COL5A1: variants seen among roughly 807,000 people sequenced by gnomAD.
COL5A1 encodes collagen type V alpha 1 chain, also known as collagen alpha-1(V) chain.
In COL5A1, 16 loss-of-function variants were observed where a neutral mutation model predicts 263.7. The ratio of observed to expected loss-of-function variants is 0.06; its 90% confidence interval spans 0.04 to 0.09. The LOEUF (loss-of-function observed/expected upper bound fraction) is 0.09, where lower values mean the gene tolerates loss of function less well. Ranked by LOEUF, COL5A1 falls within the 10% of genes least tolerant of loss-of-function variation. COL5A1 has a pLI of 1.00. For missense variants in COL5A1, 2,036 were observed against 2,540.5 expected (o/e 0.80, Z 4.27); for synonymous variants, 1,012 against 1,004.5 (o/e 1.01, Z -0.14).
At chr9:134,767,139 G>T (rs1836703070) in intron 23 of COL5A1, 86 bp downstream of exon 23, 6 of 1,518,038 alleles carry the variant, frequency 4.0e-6, no homozygotes, top group Non-Finnish European at 5.5e-6. Context: ...AGGAAGCGGG[G>T]AGCTCTGTCC....
intron 42 of COL5A1, among the ~76,000 whole-genome samples, chr9:134,807,697 A>C (rs1283113297): frequency 6.6e-6 from 1 of 152,208 alleles, no homozygotes; most frequent in African/African-American, 2.4e-5. Flanking sequence ...CATTGGAAAC[A>C]TCTGGGCCAT....
chr9:134,735,479 C>T (rs537854268), intron 9 of COL5A1, among the ~76,000 whole-genome samples: 35 of 141,530 alleles, frequency 2.5e-4, no homozygotes, highest in African/African-American at 8.3e-4. Flanking sequence ...TTGGGTGGGC[C>T]GGGGCGGGAG....
Position 134,785,031 on chromosome 9 carries a change from G to C in COL5A1, c.2527G>C (p.Glu843Gln), listed in dbSNP as rs1837405294. Reference sequence around the variant, plus strand: ...CGGTCCCAGGGGAGAAGATGGCCCTGAAGGCCCAAAGGGTCGCGGAGGTCC... The same window carrying C: ...CGGTCCCAGGGGAGAAGATGGCCCTCAAGGCCCAAAGGGTCGCGGAGGTCC... ...PPGPRGEDGP[E>Q]GPKGRGGPNG... The change falls in exon 30 of 66, where the codon GAA becomes CAA. Residue 843 changes from glutamate to glutamine, a missense_variant. This residue lies in a region of COL5A1 where 1,078 missense variants were observed against 1,521.4 expected (regional missense o/e 0.71). Coordinates refer to ENST00000371817, the MANE Select transcript of COL5A1 (RefSeq NM_000093.5). The C allele has an allele frequency of 6.2e-7, 1 of 1,613,344 alleles. No homozygotes were observed. The highest frequency in any genetic ancestry group is 8.5e-7 in the Non-Finnish European group (1 of 1,180,018).
At chr9:134,792,624 C>T (rs1837735359) in intron 32 of COL5A1, among the ~76,000 whole-genome samples, 2 of 152,152 alleles carry the variant, frequency 1.3e-5, no homozygotes. Flanking sequence ...CTCAGCCTCC[C>T]AAAGTGCTGG....
At chr9:134,792,878 CACACGTGTGTGTGCGCGCGT>C (rs1837763144) in intron 32 of COL5A1, among the ~76,000 whole-genome samples, 1 of 30,136 alleles carries the variant, frequency 3.3e-5, no homozygotes, top group African/African-American at 1.2e-4. Flanking sequence ...CGCGTTTGTG[CACACGTGTGTGTGCGCGCGT>C]GTGTGCACGC....
rs1298311702 is a variant in COL5A1 at position 134,732,144 on chromosome 9, A to T, written c.1389+17A>T. The T allele has an allele frequency of 6.2e-7, 1 of 1,612,936 alleles. No homozygotes were observed. The highest frequency in any genetic ancestry group is 1.3e-5 in the African/African-American group (1 of 74,916). ...ATCGAGCCGGTGAGGACATTTTCTC[A>T]TTCCCTCCCTGCGCCGGGGTGTCCG... is the stretch of plus-strand genomic sequence containing the variant. On this transcript the variant is annotated intron_variant, in intron 9 of 65. Transcript: ENST00000371817.
intron 29 of COL5A1, among the ~76,000 whole-genome samples, chr9:134,784,354 C>T (rs375287617): frequency 5.9e-5 from 9 of 152,222 alleles, no homozygotes; most frequent in Non-Finnish European, 2.9e-5. Flanking sequence ...CAAAGAGTGC[C>T]GGGAAGGGCA....
At chr9:134,830,485 G>A (rs1839567758) in intron 64 of COL5A1, 1 of 492,512 alleles carries the variant, frequency 2.0e-6, no homozygotes, top group East Asian at 3.6e-5. Flanking sequence ...CCAGGCACCT[G>A]AGCACTGAGG....
intron 11 of COL5A1, among the ~76,000 whole-genome samples, chr9:134,745,199 C>T (rs1179087246): frequency 1.3e-5 from 2 of 152,166 alleles, no homozygotes; most frequent in African/African-American, 2.4e-5. Flanking sequence ...TCTCCCAAAG[C>T]GAGCTCAGTG....
Position 134,835,116 on chromosome 9 carries a change from A to T in COL5A1, c.5282A>T (p.Asp1761Val). Residue 1761 changes from aspartate (D) to valine (V), a missense_variant, in exon 65 of 66, where the codon GAC becomes GTC. Asp to Val is a radical substitution (Grantham distance 152). Coordinates refer to ENST00000371817, the MANE Select transcript of COL5A1 (RefSeq NM_000093.5). ...AWQDAATGSY[D>V]KALRFLGSND... ...CAGGACGCAGCCACGGGCAGCTACG[A>T]CAAGGCCCTCCGCTTCCTGGGCTCC... The T allele has an allele frequency of 6.2e-7, 1 of 1,613,838 alleles. No homozygotes were observed. Among genetic ancestry groups the T allele is most frequent in the Non-Finnish European group, 8.5e-7 (1 of 1,180,034 alleles).
chr9:134,645,710 C>A (rs1253061391), intron 1 of COL5A1, among the ~76,000 whole-genome samples: 1 of 152,236 alleles, frequency 6.6e-6, no homozygotes, highest in Non-Finnish European at 1.5e-5. Context: ...GTCTTCCATT[C>A]CTGCTGTGGG....
At chr9:134,813,811 A>G (rs1838632951) in intron 48 of COL5A1, among the ~76,000 whole-genome samples, 172 bp from the exon 49 acceptor site, 1 of 152,118 alleles carries the variant, frequency 6.6e-6, no homozygotes, top group South Asian at 2.1e-4. Flanking sequence ...CACATTCCTC[A>G]CGCACCTCCA....
chr9:134,793,385 G>GT (rs141760329), intron 32 of COL5A1, among the ~76,000 whole-genome samples: 1 of 44,034 alleles, frequency 2.3e-5, no homozygotes, highest in African/African-American at 9.9e-5. Context: ...TAAGGAGGCT[G>GT]GGGGGGGCAT....
chr9:134,709,303 C>T, intron 4 of COL5A1: 1 of 180,734 alleles, frequency 5.5e-6, no homozygotes, highest in South Asian at 4.0e-5. Context: ...CTGTGCCTGG[C>T]TGAGGAGGGG....
intron 9 of COL5A1, among the ~76,000 whole-genome samples, chr9:134,737,162 C>T (rs1835130955): frequency 6.6e-6 from 1 of 152,234 alleles, no homozygotes; most frequent in African/African-American, 2.4e-5. Context: ...TGGCTGGTTT[C>T]TGCACGGGAC....
chr9:134,830,920 C>T (rs1397895475), intron 64 of COL5A1, among the ~76,000 whole-genome samples: 1 of 152,164 alleles, frequency 6.6e-6, no homozygotes, highest in African/African-American at 2.4e-5. Context: ...GAATGAAGAG[C>T]AGAGTTCTGT....
chr9:134,727,077 A>G (rs1430897835), intron 4 of COL5A1, among the ~76,000 whole-genome samples, 189 bp from the exon 5 acceptor site: 1 of 148,536 alleles, frequency 6.7e-6, no homozygotes, highest in Non-Finnish European at 1.5e-5. Flanking sequence ...GGATGGATGG[A>G]TGGGCCAGCC....
chr9:134,810,116 A>G (rs112889019), intron 43 of COL5A1, 139 bp from the exon 44 acceptor site: 1 of 887,010 alleles, frequency 1.1e-6, no homozygotes, highest in African/African-American at 1.6e-5. Context: ...ATATATGGAA[A>G]CATTTATTCG....
chr9:134,759,930 C>G (rs1196241197), intron 18 of COL5A1, among the ~76,000 whole-genome samples: 1 of 134,014 alleles, frequency 7.5e-6, no homozygotes, highest in Non-Finnish European at 1.6e-5. Flanking sequence ...TACATGCACA[C>G]ACACGCATAC....
Sources: allele counts gnomAD v4.1 joint callset (sites outside exome capture counted in the v4.1 genomes callset), GRCh38; gene constraint gnomAD v4.1.1; regional missense constraint gnomAD v4.1.1; transcripts MANE v1.5; gene names NCBI Gene and HGNC (gene_info 2026-07-23, HGNC 2026-07-21).